Variants in GALNTL6 observed in about 807,000 individuals in gnomAD.
GALNTL6 encodes the protein polypeptide N-acetylgalactosaminyltransferase like 6, also known as polypeptide N-acetylgalactosaminyltransferase-like 6.
In GALNTL6, 46 loss-of-function variants were observed where a neutral mutation model predicts 73.7. That is an observed-to-expected ratio of 0.62 (90% confidence interval 0.49 to 0.80). The LOEUF is 0.80. GALNTL6 is among the 30% of genes least tolerant of loss of function. GALNTL6 has a pLI of 0.00. For missense variants in GALNTL6, 604 were observed against 755.0 expected (o/e 0.80, Z 2.34); for synonymous variants, 259 against 263.7 (o/e 0.98, Z 0.17).
At chr4:172,948,734 G>C (rs1268867873) in intron 9 of GALNTL6, among the ~76,000 whole-genome samples, 42 of 151,230 alleles carry the variant, frequency 2.8e-4, no homozygotes, top group Non-Finnish European at 4.4e-5. Context: ...GCCTCCCAAA[G>C]TGCTGGGATT....
At chr4:172,182,446 A>G (rs1735277264) in intron 2 of GALNTL6, among the ~76,000 whole-genome samples, 1 of 151,170 alleles carries the variant, frequency 6.6e-6, no homozygotes, top group African/African-American at 2.5e-5. Flanking sequence ...TACATTTCAG[A>G]CAGAGACTAA....
intron 2 of GALNTL6, among the ~76,000 whole-genome samples, chr4:171,871,399 G>T (rs1035035511): frequency 8.5e-5 from 13 of 152,210 alleles, no homozygotes; most frequent in African/African-American, 3.1e-4. Flanking sequence ...TCAACTACAG[G>T]TCACTGCAGA....
intron 12 of GALNTL6, among the ~76,000 whole-genome samples, chr4:173,028,999 A>G (rs955083849): frequency 1.3e-5 from 2 of 152,224 alleles, no homozygotes; most frequent in African/African-American, 2.4e-5. Flanking sequence ...AACTTATGAT[A>G]TATGCCAGGT....
At chr4:172,546,826 G>A (rs139437863) in intron 5 of GALNTL6, among the ~76,000 whole-genome samples, 32 of 1,720 alleles carry the variant, frequency 0.019, no homozygotes, top group African/African-American at 0.026. Flanking sequence ...ATACGTATAT[G>A]TATAATTGTA....
intron 5 of GALNTL6, among the ~76,000 whole-genome samples, chr4:172,693,034 G>A (rs913773057): frequency 1.5e-4 from 23 of 152,272 alleles, no homozygotes; most frequent in Non-Finnish European, 2.8e-4. Flanking sequence ...ATAATGTTAC[G>A]TAAGGGATAA....
chr4:172,376,522 G>A (rs1463625291), intron 5 of GALNTL6, among the ~76,000 whole-genome samples: 7 of 152,180 alleles, frequency 4.6e-5, no homozygotes, highest in Admixed American at 4.6e-4. Flanking sequence ...AGAGTCAGGG[G>A]TTGTTAGACA....
chr4:172,243,456 C>G (rs1737520248), intron 3 of GALNTL6, among the ~76,000 whole-genome samples: 1 of 152,046 alleles, frequency 6.6e-6, no homozygotes, highest in Non-Finnish European at 1.5e-5. Context: ...AACCAATTGT[C>G]CAAGGGCTCT....
chr4:172,076,014 T>C (rs1731692253), intron 2 of GALNTL6, among the ~76,000 whole-genome samples: 1 of 152,022 alleles, frequency 6.6e-6, no homozygotes, highest in South Asian at 2.1e-4. Context: ...TTTGGTCTCT[T>C]TTGCAGAGAG....
chr4:172,234,444 A>G (rs1170294097), intron 3 of GALNTL6, among the ~76,000 whole-genome samples: 1 of 152,108 alleles, frequency 6.6e-6, no homozygotes, highest in Non-Finnish European at 1.5e-5. Context: ...CACAATACCA[A>G]TACACTATGC....
Position 172,069,410 on chromosome 4 carries a change from T to C in GALNTL6, c.139-160246T>C, listed in dbSNP as rs113101762. Reference sequence around the variant, plus strand: ...GTACATATGTGTTATATATAACACATATATGTTATATATAACACACATATA... The same window carrying C: ...GTACATATGTGTTATATATAACACACATATGTTATATATAACACACATATA... On this transcript the variant is annotated intron_variant, in intron 2 of 12. Coordinates refer to ENST00000506823, the MANE Select transcript of GALNTL6 (RefSeq NM_001034845.3). 2.1e-5 allele frequency among the ~76,000 whole-genome samples: 2 copies of C among 97,292 alleles called. 1 individual carries two copies. The highest frequency in any genetic ancestry group is 4.4e-5 in the Non-Finnish European group (2 of 45,824). 63.8% of individuals were successfully genotyped at this position (97,292 alleles called of 152,430 possible).
At chr4:172,687,931 A>G (rs1452715445) in intron 5 of GALNTL6, among the ~76,000 whole-genome samples, 2 of 152,198 alleles carry the variant, frequency 1.3e-5, no homozygotes, top group African/African-American at 4.8e-5. Flanking sequence ...ACTTAGAGAA[A>G]CTCAATGTGT....
rs149121887 is a variant in GALNTL6, at chr4:172,623,727, A to ATCTTCCAGTCTTG, written c.554-185631_554-185619dup. Among the ~76,000 whole-genome samples the ATCTTCCAGTCTTG allele has an allele frequency of 1.2e-3, 184 of 152,258 alleles. 3 individuals are homozygous for ATCTTCCAGTCTTG. In the East Asian group the frequency reaches 0.031, roughly 26 times the overall value. ...TACCATGGCCAGAATGCAAGACACT[A>ATCTTCCAGTCTTG]TCTTCCAGTCTTGTCCATTCAGATA... On this transcript the variant is annotated intron_variant, in intron 5 of 12. Transcript: ENST00000506823.
At chr4:172,687,139 C>G (rs1200537302) in intron 5 of GALNTL6, among the ~76,000 whole-genome samples, 1 of 152,108 alleles carries the variant, frequency 6.6e-6, no homozygotes, top group Non-Finnish European at 1.5e-5. Context: ...CCTACCAAGT[C>G]AGATAGAATC....
At position 172,536,729 on chromosome 4, in the gene GALNTL6, G is replaced by A. The variant is rs144899333; in HGVS notation, c.553+188040G>A. 4.0e-3 allele frequency among the ~76,000 whole-genome samples: 604 copies of A among 152,238 alleles called. 2 individuals are homozygous for A. The highest frequency in any genetic ancestry group is 0.014 in the African/African-American group (562 of 41,546). On this transcript the variant is annotated intron_variant, in intron 5 of 12. Coordinates refer to ENST00000506823, the MANE Select transcript of GALNTL6 (RefSeq NM_001034845.3). ...GGAATTGGAACTTATGTTTAAAAGG[G>A]AAGCAAAACACAACAGTTTGAAAAA...
At chr4:172,842,502 T>C (rs973309547) in intron 7 of GALNTL6, among the ~76,000 whole-genome samples, 2 of 152,162 alleles carry the variant, frequency 1.3e-5, no homozygotes, top group Admixed American at 6.5e-5. Flanking sequence ...ATGCACCACA[T>C]TTTATGTTTG....
At chr4:172,601,863 A>G (rs1738062199) in intron 5 of GALNTL6, among the ~76,000 whole-genome samples, 1 of 151,302 alleles carries the variant, frequency 6.6e-6, no homozygotes, top group African/African-American at 2.4e-5. Flanking sequence ...AACCTGTTAA[A>G]GCAAAAATCC....
intron 5 of GALNTL6, among the ~76,000 whole-genome samples, chr4:172,575,570 T>C (rs1315201372): frequency 6.6e-6 from 1 of 152,352 alleles, no homozygotes; most frequent in Admixed American, 6.5e-5. Context: ...CTGCCTCTGC[T>C]GCTGTGAGAA....
At chr4:172,980,120 A>G (rs1751002163) in intron 10 of GALNTL6, among the ~76,000 whole-genome samples, 1 of 152,042 alleles carries the variant, frequency 6.6e-6, no homozygotes. Flanking sequence ...CACTTCTTTC[A>G]CCTCACAGAA....
chr4:172,768,457 G>T (rs1738568587), intron 5 of GALNTL6, among the ~76,000 whole-genome samples: 2 of 152,328 alleles, frequency 1.3e-5, no homozygotes, highest in South Asian at 4.1e-4. Context: ...GAATGAGTTA[G>T]AAAAGAGTGA....
Sources: gnomAD v4.1 joint callset for allele counts (sites outside exome capture counted in the v4.1 genomes callset) on GRCh38, gnomAD v4.1.1 for gene constraint, MANE v1.5 for transcripts, NCBI Gene and HGNC (gene_info 2026-07-23, HGNC 2026-07-21) for gene names.